Variants in RIMBP2 observed in about 807,000 individuals in gnomAD.
RIMBP2 encodes the protein RIMS binding protein 2.
A neutral mutation model predicts 118.6 loss-of-function variants in RIMBP2; 48 were observed. That is an observed-to-expected ratio of 0.40 (90% CI 0.32 to 0.51). RIMBP2 has a LOEUF of 0.51. RIMBP2 is among the 20% of genes least tolerant of loss of function. The pLI is 0.41. For synonymous variants in RIMBP2, 762 were observed against 742.9 expected, an observed-to-expected ratio of 1.03 and a Z score of -0.42; for missense variants, 1,551 against 1,768.3, an observed-to-expected ratio of 0.88 and a Z score of 2.20.
intron 2 of RIMBP2, among the ~76,000 whole-genome samples, chr12:130,541,775 G>A (rs572686277): frequency 1.5e-4 from 23 of 152,304 alleles, no homozygotes; most frequent in Middle Eastern, 3.4e-3. Flanking sequence ...TCCAGGTGCC[G>A]AGCCATGCTG....
chr12:130,516,558 A>G (rs2051482650), intron 3 of RIMBP2, among the ~76,000 whole-genome samples: 1 of 152,272 alleles, frequency 6.6e-6, no homozygotes, highest in Non-Finnish European at 1.5e-5. Flanking sequence ...GAGGGCTGTT[A>G]GAGTGGACGT....
rs554474827 is a variant in RIMBP2 at position 130,653,410 on chromosome 12, A to G, written c.-351-24954T>C. 2.4e-3 allele frequency among the ~76,000 whole-genome samples: 363 copies of G among 152,368 alleles called. 1 individual carries two copies. The highest frequency in any genetic ancestry group is 7.8e-3 in the African/African-American group (326 of 41,598). The stretch of plus-strand genomic sequence containing the variant: ...GACTCCGTGCCCCACATCCGGGCAC[A>G]CTGGTGCAAGGGGTAGGCTCCTGTG... On this transcript the variant is annotated intron_variant, in intron 1 of 22. Transcript: ENST00000690449.
chr12:130,474,305 A>C (rs7312801), intron 5 of RIMBP2, among the ~76,000 whole-genome samples: 4,189 of 152,268 alleles, frequency 0.028, 218 homozygotes, highest in African/African-American at 0.097. Flanking sequence ...ACTGAATGTT[A>C]ATGAGAATTT....
intron 1 of RIMBP2, among the ~76,000 whole-genome samples, chr12:130,677,354 G>A (rs761542886): frequency 6.6e-6 from 1 of 152,168 alleles, no homozygotes; most frequent in African/African-American, 2.4e-5. Flanking sequence ...AGGGCCGGGT[G>A]CAGTGGCTCA....
At chr12:130,545,107 T>G (rs1321008532) in intron 2 of RIMBP2, among the ~76,000 whole-genome samples, 1 of 152,230 alleles carries the variant, frequency 6.6e-6, no homozygotes, top group Non-Finnish European at 1.5e-5. Context: ...ATCTGGGGAC[T>G]AAATTGTACC....
chr12:130,464,545 C>T (rs963092311), intron 6 of RIMBP2, among the ~76,000 whole-genome samples: 2 of 151,358 alleles, frequency 1.3e-5, no homozygotes, highest in Non-Finnish European at 3.0e-5. Flanking sequence ...GCAGGCCCTG[C>T]GTGATTTCAT....
At chr12:130,686,130 T>C (rs2065030749) in intron 1 of RIMBP2, among the ~76,000 whole-genome samples, 1 of 152,186 alleles carries the variant, frequency 6.6e-6, no homozygotes, top group South Asian at 2.1e-4. Context: ...CCAGGCTGCC[T>C]GGCCCTGGAG....
intron 2 of RIMBP2, among the ~76,000 whole-genome samples, chr12:130,597,161 C>T (rs1249517427): frequency 6.6e-6 from 1 of 152,100 alleles, no homozygotes; most frequent in Non-Finnish European, 1.5e-5. Context: ...CACTATGACT[C>T]ATAAACAAAA....
chr12:130,579,515 T>A (rs1343563047), intron 2 of RIMBP2, among the ~76,000 whole-genome samples: 4 of 152,170 alleles, frequency 2.6e-5, no homozygotes, highest in African/African-American at 9.7e-5. Context: ...CATGCTCTTC[T>A]TCCCTTTGCT....
In RIMBP2 at chr12:130,442,026, G is replaced by A. The variant is rs150377943; in HGVS notation, c.1326C>T (p.Asn442=). 1.6e-5 allele frequency: 26 copies of A among 1,614,064 alleles called. No individual in the cohort carries two copies. Among genetic ancestry groups the A allele is most frequent in the East Asian group, 6.7e-5 (3 of 44,878 alleles). The change falls in exon 11 of 23, where the codon AAC becomes AAT. Residue 442 remains asparagine, a synonymous_variant. Transcript: ENST00000690449. The surrounding 1 kb of genome is among the most constrained non-coding windows in gnomAD (Gnocchi z 6.9). ...CCTTGACGATGTCGAACTCCTCCTC[G>A]TTGAGGAAGATGACGTGGCTGTAGT... ...NSNYSHVIFL[N]EEEFDIVKAA...
intron 1 of RIMBP2, among the ~76,000 whole-genome samples, chr12:130,665,034 A>G (rs562725816): frequency 9.2e-5 from 14 of 151,642 alleles, no homozygotes; most frequent in Non-Finnish European, 1.5e-4. Flanking sequence ...ACGAGGAACC[A>G]GAGTCTCCAC....
At chr12:130,545,194 C>A (rs1210859090) in intron 2 of RIMBP2, among the ~76,000 whole-genome samples, 1 of 152,152 alleles carries the variant, frequency 6.6e-6, no homozygotes, top group African/African-American at 2.4e-5. Context: ...AAGGGCAGAA[C>A]TTTCTCGTCA....
chr12:130,545,654 C>G (rs925357926), intron 2 of RIMBP2, among the ~76,000 whole-genome samples: 1 of 152,108 alleles, frequency 6.6e-6, no homozygotes, highest in Non-Finnish European at 1.5e-5. Context: ...GTAACATGAC[C>G]GAGGAACGAG....
chr12:130,409,107 T>G (rs1442660648), intron 19 of RIMBP2, among the ~76,000 whole-genome samples: 1 of 152,188 alleles, frequency 6.6e-6, no homozygotes, highest in African/African-American at 2.4e-5. Context: ...ATACATGTAC[T>G]TCTCACTGAA....
chr12:130,647,443 C>T (rs1594139405), intron 1 of RIMBP2, among the ~76,000 whole-genome samples: 1 of 144,560 alleles, frequency 6.9e-6, no homozygotes, highest in East Asian at 2.0e-4. Context: ...GTTTGCTTCC[C>T]TATAGAAGCT....
In RIMBP2 at chr12:130,397,309, T is replaced by G. The variant is rs1430793997; in HGVS notation, c.*52A>C. 5.0e-6 allele frequency: 2 copies of G among 398,404 alleles called. No homozygotes were observed. The highest frequency in any genetic ancestry group is 4.1e-5 in the African/African-American group (2 of 48,618). 24.7% of individuals were successfully genotyped at this position (398,404 alleles called of 1,614,324 possible). On this transcript the variant is annotated 3_prime_UTR_variant, in exon 23 of 23. Transcript: ENST00000690449. ...GTACTTGAGTCATGAAAGCCCTAGTTTGGAATTAAAGAAAATTACATAGAT... is the reference window on the plus strand; with the variant it reads ...GTACTTGAGTCATGAAAGCCCTAGTGTGGAATTAAAGAAAATTACATAGAT...
chr12:130,473,634 A>G (rs1381740959), intron 5 of RIMBP2, among the ~76,000 whole-genome samples: 1 of 152,228 alleles, frequency 6.6e-6, no homozygotes, highest in Non-Finnish European at 1.5e-5. Flanking sequence ...TCTGCAGAAA[A>G]GTCAGTGAGA....
At chr12:130,533,360 T>C (rs1238061997) in intron 2 of RIMBP2, among the ~76,000 whole-genome samples, 1 of 152,146 alleles carries the variant, frequency 6.6e-6, no homozygotes, top group African/African-American at 2.4e-5. Flanking sequence ...ATGAGATATC[T>C]TCTTACCCCA....
At chr12:130,664,465 A>ACACACACGTG (rs74195662) in intron 1 of RIMBP2, among the ~76,000 whole-genome samples, 1 of 122,634 alleles carries the variant, frequency 8.2e-6, no homozygotes, top group Non-Finnish European at 1.8e-5. Context: ...ATGCACGCAC[A>ACACACACGTG]CACACGCACG....
Sources: allele counts gnomAD v4.1 joint callset (sites outside exome capture counted in the v4.1 genomes callset), GRCh38; gene constraint gnomAD v4.1.1; non-coding constraint Gnocchi (gnomAD v3.1); transcripts MANE v1.5; gene names NCBI Gene and HGNC (gene_info 2026-07-23, HGNC 2026-07-21).